MACROD2: variants seen among roughly 807,000 people sequenced by gnomAD.
The protein encoded by MACROD2 is ADP-ribose glycohydrolase MACROD2.
In MACROD2, 36 loss-of-function variants were observed where a neutral mutation model predicts 70.4. The observed-to-expected ratio is 0.51, with a 90% CI of 0.39 to 0.68. The LOEUF is 0.68. Among genes scored for constraint, MACROD2 ranks in the 30% least tolerant of loss-of-function variants. The pLI, the probability that MACROD2 is intolerant of heterozygous loss-of-function variation, is 0.00. For missense variants in MACROD2, 496 were observed against 538.4 expected (o/e 0.92, Z 0.78); for synonymous variants, 172 against 178.8 (o/e 0.96, Z 0.30).
intron 3 of MACROD2, among the ~76,000 whole-genome samples, chr20:14,116,236 G>C (rs1260258372): frequency 6.6e-6 from 1 of 152,172 alleles, no homozygotes; most frequent in Non-Finnish European, 1.5e-5. Context: ...TGCAATTTTT[G>C]TCTAATCAGC....
intron 3 of MACROD2, among the ~76,000 whole-genome samples, chr20:14,315,870 G>T (rs2082608001): frequency 6.6e-6 from 1 of 152,170 alleles, no homozygotes; most frequent in Admixed American, 6.5e-5. Flanking sequence ...TAAAAGCATG[G>T]AGTAAATATG....
chr20:14,638,906 T>C (rs1293949460), intron 4 of MACROD2, among the ~76,000 whole-genome samples: 3 of 147,768 alleles, frequency 2.0e-5, no homozygotes, highest in Admixed American at 6.9e-5. Context: ...GCCAAGATCG[T>C]GCCACAGCAC....
intron 8 of MACROD2, among the ~76,000 whole-genome samples, chr20:15,847,766 C>T (rs533597818): frequency 6.6e-6 from 1 of 152,084 alleles, no homozygotes; most frequent in Non-Finnish European, 1.5e-5. Context: ...CCATATACCC[C>T]CAGTGAGAAA....
intron 3 of MACROD2, among the ~76,000 whole-genome samples, chr20:14,196,953 A>G (rs2081437679): frequency 6.6e-6 from 1 of 152,332 alleles, no homozygotes; most frequent in African/African-American, 2.4e-5. Flanking sequence ...CATTGTAATC[A>G]GATGGAGAGG....
chr20:15,454,424 CA>C (rs2046690530), intron 7 of MACROD2, among the ~76,000 whole-genome samples: 1 of 72,618 alleles, frequency 1.4e-5, no homozygotes, highest in Non-Finnish European at 4.2e-5. Flanking sequence ...CACACACACA[CA>C]CACACACACA....
chr20:14,020,728 T>C (rs2053064841), intron 2 of MACROD2, among the ~76,000 whole-genome samples: 1 of 152,172 alleles, frequency 6.6e-6, no homozygotes, highest in South Asian at 2.1e-4. Flanking sequence ...CAAACAATTT[T>C]TGCAAAGACT....
chr20:14,349,302 G>A (rs971687860), intron 3 of MACROD2, among the ~76,000 whole-genome samples: 2 of 148,428 alleles, frequency 1.3e-5, no homozygotes, highest in Admixed American at 6.7e-5. Context: ...TATTTATGAG[G>A]TACATGAGAT....
chr20:15,077,038 T>C (rs966670965), intron 5 of MACROD2, among the ~76,000 whole-genome samples: 2 of 152,198 alleles, frequency 1.3e-5, no homozygotes, highest in African/African-American at 2.4e-5. Context: ...ATTTCAGTCT[T>C]GTGGCAGTTA....
intron 3 of MACROD2, among the ~76,000 whole-genome samples, chr20:14,431,148 C>T (rs554766906): frequency 6.3e-4 from 95 of 151,988 alleles, no homozygotes; most frequent in Non-Finnish European, 1.2e-3. Flanking sequence ...TGGAGATGTT[C>T]GATAGGCAGT....
At chr20:14,074,973 AG>A (rs2053898646) in intron 2 of MACROD2, among the ~76,000 whole-genome samples, 1 of 152,198 alleles carries the variant, frequency 6.6e-6, no homozygotes, top group Non-Finnish European at 1.5e-5. Flanking sequence ...GATGCTATAC[AG>A]CCATTAAGTC....
intron 4 of MACROD2, among the ~76,000 whole-genome samples, chr20:14,644,572 A>G (rs934658274): frequency 1.3e-5 from 2 of 152,128 alleles, no homozygotes; most frequent in South Asian, 2.1e-4. Context: ...CAATTTGCCA[A>G]AACTCTCTGG....
chr20:14,297,091 C>T (rs193301954), intron 3 of MACROD2, among the ~76,000 whole-genome samples: 4 of 151,772 alleles, frequency 2.6e-5, no homozygotes, highest in African/African-American at 9.7e-5. Context: ...GTGAACTGAG[C>T]ACATATAAGA....
At chr20:14,448,587 G>T (rs2084209846) in intron 3 of MACROD2, among the ~76,000 whole-genome samples, 2 of 151,852 alleles carry the variant, frequency 1.3e-5, no homozygotes. Flanking sequence ...TGATGCAGGA[G>T]AATGTCTTTA....
At chr20:15,499,931 T>C in intron 8 of MACROD2, 84 bp downstream of exon 8, 1 of 1,334,968 alleles carries the variant, frequency 7.5e-7, no homozygotes, top group Non-Finnish European at 1.1e-6. Context: ...ATAAATTTTA[T>C]AAATATCAAC....
chr20:14,743,380 TGA>T (rs2071759110), intron 5 of MACROD2, among the ~76,000 whole-genome samples: 1 of 152,062 alleles, frequency 6.6e-6, no homozygotes, highest in Non-Finnish European at 1.5e-5. Context: ...TCTAATCATA[TGA>T]GTCCTTAAAA....
intron 5 of MACROD2, among the ~76,000 whole-genome samples, chr20:14,954,926 TTA>T (rs1491354862): frequency 1.9e-5 from 2 of 107,088 alleles, no homozygotes; most frequent in African/African-American, 7.8e-5. Context: ...ATTAAATATA[TTA>T]TATATTTAAT....
intron 5 of MACROD2, among the ~76,000 whole-genome samples, chr20:14,881,788 C>T (rs1451148922): frequency 3.3e-5 from 5 of 152,084 alleles, no homozygotes; most frequent in Non-Finnish European, 5.9e-5. Context: ...CCAGGGCCCT[C>T]TAAGTCTAAG....
chr20:14,660,826 T>C (rs565028095), intron 4 of MACROD2, among the ~76,000 whole-genome samples: 68 of 152,270 alleles, frequency 4.5e-4, no homozygotes, highest in Admixed American at 2.0e-3. Context: ...CCTGCATTAA[T>C]TGACGTAGTG....
intron 8 of MACROD2, among the ~76,000 whole-genome samples, chr20:15,759,963 A>G (rs1454859080): frequency 6.6e-6 from 1 of 152,194 alleles, no homozygotes; most frequent in Non-Finnish European, 1.5e-5. Context: ...TGCCGCGTAA[A>G]GCTTCAGAAA....
Sources: allele counts gnomAD v4.1 joint callset (sites outside exome capture counted in the v4.1 genomes callset), GRCh38; gene constraint gnomAD v4.1.1; transcripts MANE v1.5; gene names NCBI Gene and HGNC (gene_info 2026-07-23, HGNC 2026-07-21).